The following SAMD5 variants were observed in gnomAD, a reference collection of about 807,000 sequenced individuals.
SAMD5 encodes the protein sterile alpha motif domain containing 5.
A neutral mutation model predicts 11.3 loss-of-function variants in SAMD5; 13 were observed. The ratio of observed to expected loss-of-function variants is 1.15; its 90% CI spans 0.75 to 1.83. SAMD5 has a LOEUF of 1.83. SAMD5 is among the 40% of genes most tolerant of loss of function. The probability of loss-of-function intolerance (pLI) is 0.00; values close to 1 mark genes in which losing one functional copy is unlikely to be tolerated. For synonymous variants in SAMD5, 129 were observed against 111.3 expected (o/e 1.16, Z -1.00); for missense variants, 255 against 239.1 (o/e 1.07, Z -0.44).
rs1486233538 is a variant in SAMD5 at position 147,627,311 on chromosome 6, G to T, written c.163-110006G>T. On this transcript the variant is annotated intron_variant, in intron 1 of 1. Transcript: ENST00000566741. ...TGCTTAGGTTTACCACTCAGTGATG[G>T]CTTTAGAGGACCGGGGTGGTGTGGC... is the stretch of plus-strand genomic sequence containing the variant. Among the ~76,000 whole-genome samples, 2 of 152,152 alleles carry T rather than the reference G, an allele frequency of 1.3e-5. 1 individual carries two copies. The highest frequency in any genetic ancestry group is 3.9e-4 in the East Asian group (2 of 5,194).
At chr6:147,693,672 CAG>C (rs1426185020) in intron 1 of SAMD5, among the ~76,000 whole-genome samples, 5 of 152,094 alleles carry the variant, frequency 3.3e-5, no homozygotes, top group African/African-American at 1.2e-4. Context: ...GTGAGAGAAT[CAG>C]AAAGATTGGG....
At chr6:147,906,052 G>T in the SAMD5 span, among the ~76,000 whole-genome samples, 2 of 152,126 alleles carry the variant, frequency 1.3e-5, no homozygotes, top group East Asian at 3.9e-4. Flanking sequence ...ATTATAAATT[G>T]TGTCCTCAAG....
the SAMD5 span, among the ~76,000 whole-genome samples, chr6:147,795,565 C>A: frequency 1.3e-5 from 2 of 150,776 alleles, no homozygotes; most frequent in East Asian, 3.9e-4. Flanking sequence ...ATTTATAGTC[C>A]TTTGGGTATA....
chr6:147,580,571 C>A (rs1459194246), intron 1 of SAMD5, among the ~76,000 whole-genome samples: 1 of 152,160 alleles, frequency 6.6e-6, no homozygotes, highest in African/African-American at 2.4e-5. Context: ...CCCTAGCTAG[C>A]CATGTGTGGA....
chr6:147,748,261 G>T, the SAMD5 span, among the ~76,000 whole-genome samples: 54 of 152,176 alleles, frequency 3.5e-4, no homozygotes, highest in Non-Finnish European at 6.3e-4. Context: ...GTGTGTGGTG[G>T]AAGGGACAGA....
the SAMD5 span, among the ~76,000 whole-genome samples, chr6:147,825,063 G>A: frequency 1.3e-5 from 2 of 152,186 alleles, no homozygotes; most frequent in African/African-American, 4.8e-5. Context: ...GGGAGGCCGA[G>A]GTAGGGGGAT....
intron 1 of SAMD5, among the ~76,000 whole-genome samples, chr6:147,697,440 T>C (rs1314136870): frequency 6.6e-6 from 1 of 152,190 alleles, no homozygotes; most frequent in African/African-American, 2.4e-5. Flanking sequence ...ACATGGGGTA[T>C]GTAGGCTAGT....
chr6:147,726,106 G>A (rs888360501), intron 1 of SAMD5, among the ~76,000 whole-genome samples: 2 of 152,272 alleles, frequency 1.3e-5, no homozygotes, highest in African/African-American at 4.8e-5. Flanking sequence ...ACATATTTGA[G>A]AAACTACTAT....
chr6:147,524,825 A>T (rs1010989723), intron 1 of SAMD5, among the ~76,000 whole-genome samples: 1 of 152,174 alleles, frequency 6.6e-6, no homozygotes, highest in African/African-American at 2.4e-5. Context: ...TAGTGAGTTT[A>T]TATTTATTAT....
At chr6:147,877,886 G>C in the SAMD5 span, among the ~76,000 whole-genome samples, 683 of 43,890 alleles carry the variant, frequency 0.016, 2 homozygotes, top group African/African-American at 0.03. Context: ...ACACACGATA[G>C]ATAGATAGCT....
the SAMD5 span, among the ~76,000 whole-genome samples, chr6:147,953,105 A>G: frequency 6.6e-6 from 1 of 152,088 alleles, no homozygotes; most frequent in Non-Finnish European, 1.5e-5. Context: ...CAGTAATACT[A>G]AGCGTCAAGA....
intron 1 of SAMD5, among the ~76,000 whole-genome samples, chr6:147,669,711 G>A (rs1041588258): frequency 3.3e-5 from 5 of 152,076 alleles, no homozygotes; most frequent in African/African-American, 1.2e-4. Context: ...GATTACAGGC[G>A]TGATCCACCA....
the SAMD5 span, among the ~76,000 whole-genome samples, chr6:147,820,131 A>G: frequency 6.6e-6 from 1 of 152,138 alleles, no homozygotes; most frequent in Non-Finnish European, 1.5e-5. Context: ...CAGTTGGAGA[A>G]ACTAGGTACT....
chr6:147,766,018 A>C, the SAMD5 span, among the ~76,000 whole-genome samples: 1,035 of 152,132 alleles, frequency 6.8e-3, 11 homozygotes, highest in African/African-American at 0.024. Context: ...ATATTTGAGG[A>C]ATATGCCCAT....
the SAMD5 span, among the ~76,000 whole-genome samples, chr6:147,883,550 CCTTT>C: frequency 6.8e-6 from 1 of 147,096 alleles, no homozygotes; most frequent in Non-Finnish European, 1.5e-5. Context: ...TTCTGTAAAT[CCTTT>C]CTATTTCTTT....
the SAMD5 span, among the ~76,000 whole-genome samples, chr6:147,759,496 A>G: frequency 6.6e-6 from 1 of 152,136 alleles, no homozygotes; most frequent in Non-Finnish European, 1.5e-5. Flanking sequence ...TAGCATTAAT[A>G]TCTCAAAAGA....
intron 1 of SAMD5, among the ~76,000 whole-genome samples, chr6:147,665,978 G>A (rs1790711529): frequency 6.6e-6 from 1 of 152,094 alleles, no homozygotes; most frequent in East Asian, 1.9e-4. Context: ...TCACTCTGTT[G>A]CCCCGGTTGG....
intron 1 of SAMD5, among the ~76,000 whole-genome samples, chr6:147,681,607 A>G (rs4543391): frequency 0.11 from 17,473 of 152,096 alleles, 1,104 homozygotes; most frequent in Middle Eastern, 0.16. Context: ...TTTATTGAAT[A>G]CCAGCCATTA....
chr6:147,604,222 T>TC (rs397692184), intron 1 of SAMD5, among the ~76,000 whole-genome samples: 8 of 151,878 alleles, frequency 5.3e-5, no homozygotes, highest in Admixed American at 3.3e-4. Flanking sequence ...TTTTTTTTTT[T>TC]ACTAAATGAT....
Sources: allele counts gnomAD v4.1 joint callset (sites outside exome capture counted in the v4.1 genomes callset), GRCh38; gene constraint gnomAD v4.1.1; transcripts MANE v1.5; gene names NCBI Gene and HGNC (gene_info 2026-07-23, HGNC 2026-07-21).